HPS1: variants seen among roughly 807,000 people sequenced by gnomAD.
The protein encoded by HPS1 is BLOC-3 complex member HPS1.
HPS1 carries 59 observed loss-of-function variants against 90.6 expected under a neutral mutation model. That is an observed-to-expected ratio of 0.65 (90% confidence interval 0.53 to 0.81). HPS1 has a LOEUF of 0.81. Ranked by LOEUF, HPS1 falls within the 30% of genes least tolerant of loss-of-function variation. The pLI, the probability that HPS1 is intolerant of heterozygous loss-of-function variation, is 0.00. For synonymous variants in HPS1, 388 were observed against 384.4 expected (o/e 1.01, Z -0.11); for missense variants, 849 against 896.7 (o/e 0.95, Z 0.68).
intron 16 of HPS1, 104 bp from the exon 17 acceptor site, chr10:98,422,617 C>A (rs1845039756): frequency 6.9e-6 from 8 of 1,166,142 alleles, no homozygotes; most frequent in Admixed American, 3.4e-5. Flanking sequence ...AGGGCCAGGA[C>A]TGCCTCTTTC....
intron 10 of HPS1, chr10:98,429,291 A>T: frequency 7.5e-7 from 1 of 1,328,190 alleles, no homozygotes; most frequent in South Asian, 1.8e-5. Context: ...TTAATTACAA[A>T]AAAGATGAGT....
Position 98,422,352 on chromosome 10 carries a change from T to G in HPS1, c.1743+17A>C, listed in dbSNP as rs773513478. 7.1e-5 allele frequency: 81 copies of G among 1,146,206 alleles called. No homozygotes were observed. Among genetic ancestry groups the G allele is most frequent in the Non-Finnish European group, 9.0e-5 (71 of 790,758 alleles). The allele number at this position is 1,146,206 out of a possible 1,614,324, so 71.0% of individuals were successfully genotyped here. A position where few individuals can be genotyped will look rare whatever the true frequency, so the allele number is the denominator to read the frequency against. Reference sequence around the variant, plus strand: ...GGCTGAGGCCCACCCATCCCCGCCCTGGGTCCAAATGGTTACCTTAGTTTT... The same window carrying G: ...GGCTGAGGCCCACCCATCCCCGCCCGGGGTCCAAATGGTTACCTTAGTTTT... On this transcript the variant is annotated intron_variant, in intron 17 of 19. Transcript: ENST00000361490.
intron 17 of HPS1, among the ~76,000 whole-genome samples, chr10:98,421,848 C>CTTT (rs1844892303): frequency 6.6e-6 from 1 of 152,190 alleles, no homozygotes; most frequent in South Asian, 2.1e-4. Context: ...AGCCACATAA[C>CTTT]TGGTGGGAGA....
chr10:98,444,737 G>A (rs916489721), intron 2 of HPS1, among the ~76,000 whole-genome samples: 12 of 152,232 alleles, frequency 7.9e-5, no homozygotes, highest in Non-Finnish European at 1.5e-5. Context: ...AATGCCAGGA[G>A]ACATAACAGC....
chr10:98,423,898 G>C lies in HPS1; in HGVS notation c.1398-11C>G, dbSNP rs766375459. Reference sequence around the variant, plus strand: ...CATGCCTGGAGCAGCCTGAGCACGAGAGAGGAGGGCATTACAGCAGAAGGG... The same window carrying C: ...CATGCCTGGAGCAGCCTGAGCACGACAGAGGAGGGCATTACAGCAGAAGGG... On this transcript the variant is annotated splice_polypyrimidine_tract_variant and intron_variant, in intron 14 of 19. Coordinates refer to ENST00000361490, the MANE Select transcript of HPS1 (RefSeq NM_000195.5). 2.5e-6 allele frequency: 4 copies of C among 1,613,238 alleles called. No individual in the cohort carries two copies. The highest frequency in any genetic ancestry group is 2.2e-5 in the East Asian group (1 of 44,880).
Position 98,424,331 on chromosome 10 carries a change from T to C in HPS1, c.1379A>G (p.Glu460Gly), listed in dbSNP as rs1427406264. Residue 460 changes from glutamate (E) to glycine (G), a missense_variant, in exon 14 of 20, where the codon GAG becomes GGG. Glu to Gly is a moderately conservative substitution (Grantham distance 98, BLOSUM62 -2). Coordinates refer to ENST00000361490, the MANE Select transcript of HPS1 (RefSeq NM_000195.5). Reference sequence around the variant, plus strand: ...CACTCACTCCCAGGAGGATCCGGGCTCACTTTTGGAGAAAGCCTTGGCCTT... The same window carrying C: ...CACTCACTCCCAGGAGGATCCGGGCCCACTTTTGGAGAAAGCCTTGGCCTT... ...EFKAKAFSKS[E>G]PGSSWELLQA... is the part of the protein sequence containing the mutation. The C allele has an allele frequency of 6.2e-7, 1 of 1,612,710 alleles. No individual in the cohort carries two copies. The highest frequency in any genetic ancestry group is 8.5e-7 in the Non-Finnish European group (1 of 1,179,592).
At position 98,425,965 on chromosome 10, in the gene HPS1, T is replaced by C. The variant is rs772822729; in HGVS notation, c.1008A>G (p.Gln336=). Residue 336 remains glutamine, a synonymous_variant, in exon 12 of 20, where the codon CAA becomes CAG. Transcript: ENST00000361490. ...DALQIAEDTL[Q]TLVPHCPVPS... ...GCACAGGGCAGTGGGGAACCAGTGT[T>C]TGGAGGGTGTCCTCTGCTATCTACA... 3 of 1,613,940 alleles carry C rather than the reference T, an allele frequency of 1.9e-6. No homozygotes were observed. Among genetic ancestry groups the C allele is most frequent in the Non-Finnish European group, 2.5e-6 (3 of 1,179,948 alleles).
intron 7 of HPS1, 92 bp downstream of exon 7, chr10:98,431,039 G>C (rs2136211054): frequency 7.4e-7 from 1 of 1,347,006 alleles, no homozygotes; most frequent in South Asian, 1.2e-5. Flanking sequence ...GGTGATTCTT[G>C]GCTGGGCAGG....
At chr10:98,430,526 T>A in intron 8 of HPS1, 45 bp downstream of exon 8, 1 of 1,463,630 alleles carries the variant, frequency 6.8e-7, no homozygotes, top group Non-Finnish European at 9.4e-7. Context: ...TTTTCTGAAC[T>A]ACCTCCCTAA....
At chr10:98,427,137 C>G (rs994088348) in intron 11 of HPS1, 78 bp downstream of exon 11, 2 of 1,277,028 alleles carry the variant, frequency 1.6e-6, no homozygotes, top group Admixed American at 4.0e-5. Context: ...ACCCTGGAGG[C>G]GAAACCCTCA....
At chr10:98,423,303 C>T (rs190869970) in intron 16 of HPS1, among the ~76,000 whole-genome samples, 4 of 150,332 alleles carry the variant, frequency 2.7e-5, no homozygotes, top group African/African-American at 4.9e-5. Context: ...CCCCACCCCT[C>T]GTGGAATACC....
At chr10:98,429,217 T>C (rs892871907) in intron 10 of HPS1, 3 of 1,051,418 alleles carry the variant, frequency 2.9e-6, no homozygotes, top group Admixed American at 8.2e-5. Flanking sequence ...CTACAGATGC[T>C]GAATATATTT....
intron 3 of HPS1, 115 bp downstream of exon 3, chr10:98,443,008 CT>C: frequency 1.2e-6 from 1 of 821,354 alleles, no homozygotes; most frequent in Admixed American, 1.7e-5. Context: ...ACCCAGCACC[CT>C]GCTCATGCTG....
In HPS1 at chr10:98,435,866, ATAGTGT is replaced by A. The variant is rs1847250106; in HGVS notation, c.118-100_118-95del. On this transcript the variant is annotated intron_variant, in intron 3 of 19. Transcript: ENST00000361490. The surrounding 1 kb of genome is among the most constrained non-coding windows in gnomAD (Gnocchi z 4.3). Reference sequence around the variant, plus strand: ...ATCAGGCCTTGATATCAAGGGTTCCATAGTGTTAGACCCTCCTGGGAGGGTATCACT... The same window carrying A: ...ATCAGGCCTTGATATCAAGGGTTCCATAGACCCTCCTGGGAGGGTATCACT... 6.6e-7 allele frequency: 1 copy of A among 1,521,244 alleles called. No individual in the cohort carries two copies. Among genetic ancestry groups the A allele is most frequent in the African/African-American group, 1.4e-5 (1 of 73,118 alleles). The allele number at this position is 1,521,244 out of a possible 1,614,324, so 94.2% of individuals were successfully genotyped here. A position where few individuals can be genotyped will look rare whatever the true frequency, so the allele number is the denominator to read the frequency against.
At chr10:98,427,392 G>A (rs1410491560) in intron 10 of HPS1, 128 bp from the exon 11 acceptor site, 2 of 751,006 alleles carry the variant, frequency 2.7e-6, no homozygotes, top group Non-Finnish European at 4.5e-6. Flanking sequence ...TCCACGCAGG[G>A]GTGCTAATGT....
chr10:98,422,703 C>T (rs1263890482), intron 16 of HPS1, among the ~76,000 whole-genome samples, 190 bp from the exon 17 acceptor site: 4 of 152,160 alleles, frequency 2.6e-5, no homozygotes, highest in African/African-American at 9.7e-5. Context: ...GCTCCCCAGG[C>T]CTTGAAAAGC....
In HPS1 at chr10:98,417,632, G is replaced by T. The variant is rs1844266064; in HGVS notation, c.2035C>A (p.Leu679Met). ...ALHLSVIPTDLLVQQAGQLAR... is the reference protein window; with the variant it reads ...ALHLSVIPTDMLVQQAGQLAR... ...AGCTGGCCGGCCTGCTGCACCAGCAGGTCAGTGGGGATGACAGACAGGTGC... is the reference window on the plus strand; with the variant it reads ...AGCTGGCCGGCCTGCTGCACCAGCATGTCAGTGGGGATGACAGACAGGTGC... Residue 679 changes from leucine to methionine, a missense_variant, in exon 20 of 20, where the codon CTG becomes ATG. Leu to Met is a conservative substitution (Grantham distance 15). Transcript: ENST00000361490. The surrounding 1 kb of genome is among the most constrained non-coding windows in gnomAD (Gnocchi z 4.2). 1 of 1,613,482 alleles carries T rather than the reference G, an allele frequency of 6.2e-7. No individual in the cohort carries two copies. The highest frequency in any genetic ancestry group is 1.7e-5 in the Admixed American group (1 of 59,992).
At position 98,435,103 on chromosome 10, in the gene HPS1, G is replaced by A; in HGVS notation, c.398+169C>T. The A allele has an allele frequency of 1.4e-6, 1 of 711,046 alleles. No individual in the cohort carries two copies. The highest frequency in any genetic ancestry group is 1.7e-5 in the South Asian group (1 of 58,220). 44.0% of individuals were successfully genotyped at this position (711,046 alleles called of 1,614,324 possible). A position where few individuals can be genotyped will look rare whatever the true frequency, so the allele number is the denominator to read the frequency against. ...CTGTTTCACCAGATATAAAGTCAGA[G>A]GGTCAGACCAGATGGTCTCCAAGGT... On this transcript the variant is annotated intron_variant, in intron 5 of 19. Coordinates refer to ENST00000361490, the MANE Select transcript of HPS1 (RefSeq NM_000195.5). The surrounding 1 kb of genome is among the most constrained non-coding windows in gnomAD (Gnocchi z 4.3).
chr10:98,430,612 C>T lies in HPS1; in HGVS notation c.727G>A (p.Asp243Asn), dbSNP rs1314261555. 1.9e-6 allele frequency: 3 copies of T among 1,556,200 alleles called. No individual in the cohort carries two copies. The highest frequency in any genetic ancestry group is 2.6e-6 in the Non-Finnish European group (3 of 1,149,190). ...GCTGTGCTCTCGCTGGGGTAGAGGT[C>T]CTGAACCAGGAGGATGAGGGCAAGC... Reference protein sequence around the residue: ...DLLALILLVQDLYPSESTAED... With the variant: ...DLLALILLVQNLYPSESTAED... The change falls in exon 8 of 20, where the codon GAC becomes AAC. Residue 243 changes from aspartate to asparagine, a missense_variant. Asp to Asn is a conservative substitution (Grantham distance 23). Transcript: ENST00000361490.
Sources: allele counts gnomAD v4.1 joint callset (sites outside exome capture counted in the v4.1 genomes callset), GRCh38; gene constraint gnomAD v4.1.1; non-coding constraint Gnocchi (gnomAD v3.1); transcripts MANE v1.5; gene names NCBI Gene and HGNC (gene_info 2026-07-23, HGNC 2026-07-21).